PTPN3: variants seen among roughly 807,000 people sequenced by gnomAD.
PTPN3 encodes the protein tyrosine-protein phosphatase non-receptor type 3.
Under a neutral mutation model 132.7 loss-of-function variants are expected in PTPN3, and 96 were observed. The observed-to-expected ratio is 0.72, with a 90% CI of 0.61 to 0.86. The LOEUF (loss-of-function observed/expected upper bound fraction) is 0.86, where lower values mean the gene tolerates loss of function less well. Among genes scored for constraint, PTPN3 ranks in the 40% least tolerant of loss-of-function variants. The pLI is 0.00. For missense variants in PTPN3, 1,125 were observed against 1,159.6 expected, an observed-to-expected ratio of 0.97 and a Z score of 0.43; for synonymous variants, 398 against 429.0, an observed-to-expected ratio of 0.93 and a Z score of 0.89.
chr9:109,468,273 G>C (rs369949752), intron 1 of PTPN3, among the ~76,000 whole-genome samples: 1 of 152,206 alleles, frequency 6.6e-6, no homozygotes, highest in African/African-American at 2.4e-5. Flanking sequence ...AGCCAAGCTT[G>C]TTCTTTGCAT....
intron 14 of PTPN3, chr9:109,417,857 A>G: frequency 2.2e-6 from 2 of 904,718 alleles, no homozygotes; most frequent in South Asian, 1.0e-4. Flanking sequence ...TGCAAGATAA[A>G]AAGAGCCCCA....
chr9:109,441,853 C>T (rs1844497633), intron 7 of PTPN3, among the ~76,000 whole-genome samples: 1 of 151,926 alleles, frequency 6.6e-6, no homozygotes, highest in African/African-American at 2.4e-5. Context: ...GCAATCCTTC[C>T]ACCTCAGCAT....
intron 14 of PTPN3, 142 bp from the exon 15 acceptor site, chr9:109,410,557 G>A (rs1842003966): frequency 3.3e-6 from 3 of 923,052 alleles, no homozygotes; most frequent in Admixed American, 5.2e-5. Flanking sequence ...CGGGATTTGA[G>A]TACACCCAGG....
chr9:109,468,920 A>C (rs957829239), intron 1 of PTPN3, among the ~76,000 whole-genome samples: 6 of 152,272 alleles, frequency 3.9e-5, no homozygotes, highest in African/African-American at 1.4e-4. Flanking sequence ...ACTTACAGAT[A>C]TATGAATGTT....
the PTPN3 span, chr9:109,533,919 G>A: frequency 2.6e-3 from 1,941 of 751,452 alleles, 47 homozygotes; most frequent in African/African-American, 0.029. Flanking sequence ...TCTGCTGCAT[G>A]TTTACTGCCT....
At chr9:109,533,377 C>G in the PTPN3 span, 1 of 684,442 alleles carries the variant, frequency 1.5e-6, no homozygotes, top group South Asian at 1.7e-5. Context: ...AATTCCTGAC[C>G]CCAGGTGATC....
At chr9:109,419,315 A>T (rs1229545487) in intron 14 of PTPN3, among the ~76,000 whole-genome samples, 1 of 152,216 alleles carries the variant, frequency 6.6e-6, no homozygotes, top group Non-Finnish European at 1.5e-5. Flanking sequence ...AAATGCCTGG[A>T]GTCCAATCAG....
chr9:109,391,310 A>G (rs1840066737), intron 20 of PTPN3, 111 bp from the exon 21 acceptor site: 1 of 1,277,814 alleles, frequency 7.8e-7, no homozygotes, highest in Admixed American at 2.1e-5. Flanking sequence ...ATTAGCATAA[A>G]CACTATTCCC....
chr9:109,391,439 G>T lies in PTPN3; in HGVS notation c.2044+32C>A, dbSNP rs144611920. 260 of 1,566,508 alleles carry T rather than the reference G, an allele frequency of 1.7e-4. No individual in the cohort carries two copies. The African/African-American group carries it at 1.9e-3, about 11-fold the overall frequency. On this transcript the variant is annotated intron_variant, in intron 20 of 25. Coordinates refer to ENST00000374541, the MANE Select transcript of PTPN3 (RefSeq NM_002829.4). ...AAAGGGAAACATTATCTCAGTGTAG[G>T]GGGGAAGGAGGCATTCATGCCGGAT...
chr9:109,448,422 C>A (rs1178815773), intron 6 of PTPN3, among the ~76,000 whole-genome samples: 1 of 152,128 alleles, frequency 6.6e-6, no homozygotes, highest in Non-Finnish European at 1.5e-5. Flanking sequence ...GAGCAAAAAG[C>A]CTCCCAGAGA....
the PTPN3 span, chr9:109,533,834 T>A: frequency 1.2e-6 from 1 of 855,610 alleles, no homozygotes; most frequent in African/African-American, 1.7e-5. Flanking sequence ...TCCCCCACTC[T>A]CGCTATTCTG....
chr9:109,437,216 A>G (rs1844119529), intron 8 of PTPN3, among the ~76,000 whole-genome samples: 1 of 152,212 alleles, frequency 6.6e-6, no homozygotes, highest in Admixed American at 6.5e-5. Flanking sequence ...TGGGCTCACA[A>G]TATTCAGACG....
chr9:109,379,983 G>C (rs888016428), intron 25 of PTPN3, among the ~76,000 whole-genome samples: 2 of 152,162 alleles, frequency 1.3e-5, no homozygotes, highest in African/African-American at 4.8e-5. Context: ...CCTGCTCCTG[G>C]ACTCAACACC....
At chr9:109,485,311 T>C (rs1847157431) in intron 1 of PTPN3, among the ~76,000 whole-genome samples, 1 of 151,966 alleles carries the variant, frequency 6.6e-6, no homozygotes, top group South Asian at 2.1e-4. Context: ...ATCGAGACCA[T>C]CCTGGCTAAC....
chr9:109,534,020 C>T, the PTPN3 span: 1 of 768,770 alleles, frequency 1.3e-6, no homozygotes, highest in Non-Finnish European at 2.4e-6. Context: ...CTCTCCATTT[C>T]TACACTGCGA....
At chr9:109,536,198 C>A in the PTPN3 span, among the ~76,000 whole-genome samples, 2 of 152,238 alleles carry the variant, frequency 1.3e-5, no homozygotes, top group African/African-American at 4.8e-5. Context: ...ATCAGAACTT[C>A]ATTCCTTTTT....
chr9:109,484,848 C>T (rs540040860), intron 1 of PTPN3, among the ~76,000 whole-genome samples: 2 of 152,164 alleles, frequency 1.3e-5, no homozygotes, highest in Non-Finnish European at 2.9e-5. Flanking sequence ...CTCTATGACC[C>T]CCCATCCTGC....
chr9:109,457,043 C>G (rs1388462554), intron 4 of PTPN3, 130 bp downstream of exon 4: 22 of 905,108 alleles, frequency 2.4e-5, no homozygotes, highest in Non-Finnish European at 3.8e-5. Flanking sequence ...GAGAAGTCGG[C>G]TCACTCATGA....
chr9:109,500,780 A>C (rs2132141439), upstream of PTPN3, among the ~76,000 whole-genome samples: 1 of 151,952 alleles, frequency 6.6e-6, no homozygotes, highest in South Asian at 2.1e-4. Context: ...AAAAAAACTT[A>C]TCCAGGTGTG....
Sources: allele counts gnomAD v4.1 joint callset (sites outside exome capture counted in the v4.1 genomes callset), GRCh38; gene constraint gnomAD v4.1.1; transcripts MANE v1.5; gene names NCBI Gene and HGNC (gene_info 2026-07-23, HGNC 2026-07-21).